The following ASPH variants were observed in gnomAD, a reference collection of about 807,000 sequenced individuals.
ASPH encodes aspartyl/asparaginyl beta-hydroxylase.
Under a neutral mutation model 118.4 loss-of-function variants are expected in ASPH, and 100 were observed. The observed-to-expected ratio is 0.84, with a 90% CI of 0.72 to 1.00. The LOEUF (loss-of-function observed/expected upper bound fraction) is 1.00, where lower values mean the gene tolerates loss of function less well. Ranked by LOEUF, ASPH falls within the 50% of genes least tolerant of loss-of-function variation. The pLI, the probability that ASPH is intolerant of heterozygous loss-of-function variation, is 0.00. For synonymous variants in ASPH, 315 were observed against 325.6 expected, an observed-to-expected ratio of 0.97 and a Z score of 0.35; for missense variants, 920 against 919.5, an observed-to-expected ratio of 1.00 and a Z score of -0.01.
chr8:61,598,075 A>G (rs1842951842), intron 14 of ASPH, among the ~76,000 whole-genome samples: 1 of 152,242 alleles, frequency 6.6e-6, no homozygotes, highest in African/African-American at 2.4e-5. Context: ...TACAACAACA[A>G]CAAAAGGAAA....
chr8:61,521,386 C>A (rs558030639), intron 22 of ASPH, among the ~76,000 whole-genome samples: 1 of 139,750 alleles, frequency 7.2e-6, no homozygotes, highest in East Asian at 2.3e-4. Context: ...CTAGTGCTCA[C>A]TGATCCTAGT....
chr8:61,643,326 G>A, intron 9 of ASPH, 60 bp downstream of exon 9: 2 of 1,508,816 alleles, frequency 1.3e-6, no homozygotes, highest in Non-Finnish European at 1.8e-6. Context: ...TGTAAACACA[G>A]CATGTGATTG....
intron 24 of ASPH, among the ~76,000 whole-genome samples, chr8:61,511,075 T>A (rs1268819571): frequency 6.6e-6 from 1 of 152,194 alleles, no homozygotes; most frequent in Non-Finnish European, 1.5e-5. Context: ...TTATTGTCTA[T>A]GAGGAATTCA....
intron 16 of ASPH, among the ~76,000 whole-genome samples, chr8:61,572,614 CA>C (rs1205287064): frequency 6.6e-6 from 1 of 152,326 alleles, no homozygotes; most frequent in East Asian, 1.9e-4. Flanking sequence ...AATCCATCCT[CA>C]AGTCCTTTCA....
chr8:61,646,792 C>T lies in ASPH; in HGVS notation c.577G>A (p.Asp193Asn). The T allele has an allele frequency of 1.2e-6, 2 of 1,613,962 alleles. No individual in the cohort carries two copies. Among genetic ancestry groups the T allele is most frequent in the Non-Finnish European group, 1.7e-6 (2 of 1,179,862 alleles). Residue 193 changes from aspartate to asparagine, a missense_variant, in exon 6 of 25, where the codon GAT becomes AAT. Physicochemically the swap from Asp to Asn is conservative, Grantham distance 23. Coordinates refer to ENST00000379454, the MANE Select transcript of ASPH (RefSeq NM_004318.4). ...DDEFLMATDVDDRFETLEPEV... is the reference protein window; with the variant it reads ...DDEFLMATDVNDRFETLEPEV... Reference sequence around the variant, plus strand: ...GGTTCCAGGGTCTCAAATCTATCATCTACATCAGTCGCCATAAGAAACTCA... The same window carrying T: ...GGTTCCAGGGTCTCAAATCTATCATTTACATCAGTCGCCATAAGAAACTCA...
chr8:61,653,400 C>T (rs1416980961), intron 4 of ASPH, among the ~76,000 whole-genome samples, 168 bp downstream of exon 4: 1 of 152,150 alleles, frequency 6.6e-6, no homozygotes, highest in Admixed American at 6.5e-5. Context: ...TTATCCTGTT[C>T]CAATTTCTAC....
chr8:61,660,575 A>C (rs1206919449), intron 3 of ASPH: 1 of 152,122 alleles, frequency 6.6e-6, no homozygotes, highest in Non-Finnish European at 1.5e-5. Flanking sequence ...AGACAGATGG[A>C]TGTTGAGAAC....
chr8:61,505,072 A>T (rs1241181633), intron 24 of ASPH, among the ~76,000 whole-genome samples: 4 of 152,140 alleles, frequency 2.6e-5, no homozygotes, highest in Admixed American at 6.5e-5. Flanking sequence ...ATGAGAGATA[A>T]TTTGAATCAT....
At chr8:61,582,807 T>C (rs546367395) in intron 15 of ASPH, among the ~76,000 whole-genome samples, 1 of 152,330 alleles carries the variant, frequency 6.6e-6, no homozygotes, top group African/African-American at 2.4e-5. Context: ...CAATGTCTAC[T>C]GATTAAAAAG....
intron 16 of ASPH, among the ~76,000 whole-genome samples, chr8:61,573,858 T>C (rs1039146582): frequency 2.0e-5 from 3 of 152,052 alleles, no homozygotes; most frequent in Non-Finnish European, 4.4e-5. Context: ...TAGGATCGAA[T>C]TAAACTAAAG....
intron 21 of ASPH, among the ~76,000 whole-genome samples, chr8:61,540,446 G>C (rs1196387031): frequency 6.6e-6 from 1 of 152,104 alleles, no homozygotes; most frequent in Non-Finnish European, 1.5e-5. Context: ...CCATGTAAGC[G>C]TCCTGTGATT....
At chr8:61,511,210 G>A (rs1032141404) in intron 24 of ASPH, among the ~76,000 whole-genome samples, 1 of 152,184 alleles carries the variant, frequency 6.6e-6, no homozygotes, top group South Asian at 2.1e-4. Flanking sequence ...TGAGGTCTAT[G>A]GAGGAAGGCC....
At chr8:61,698,436 C>A (rs1170541121) in intron 1 of ASPH, among the ~76,000 whole-genome samples, 3 of 152,226 alleles carry the variant, frequency 2.0e-5, no homozygotes, top group African/African-American at 7.2e-5. Context: ...TTAGGCTAAA[C>A]TTAAACACAT....
At chr8:61,573,974 A>C (rs1447037548) in intron 16 of ASPH, among the ~76,000 whole-genome samples, 2 of 152,246 alleles carry the variant, frequency 1.3e-5, no homozygotes, top group African/African-American at 4.8e-5. Flanking sequence ...AATATCCAGA[A>C]TCTACAATGA....
At chr8:61,522,951 T>C (rs1813683930) in intron 22 of ASPH, among the ~76,000 whole-genome samples, 1 of 152,110 alleles carries the variant, frequency 6.6e-6, no homozygotes, top group Admixed American at 6.6e-5. Context: ...GGGTTAGGGC[T>C]TCAACATATG....
At chr8:61,666,509 T>C (rs555357421) in intron 3 of ASPH, among the ~76,000 whole-genome samples, 1 of 152,286 alleles carries the variant, frequency 6.6e-6, no homozygotes, top group South Asian at 2.1e-4. Context: ...AATGAAATAT[T>C]TCTTTAATAT....
intron 19 of ASPH, 77 bp from the exon 20 acceptor site, chr8:61,553,197 T>G: frequency 8.7e-7 from 1 of 1,149,142 alleles, no homozygotes; most frequent in Non-Finnish European, 1.3e-6. Flanking sequence ...TAGCTTTTCT[T>G]ATGGCACATC....
intron 14 of ASPH, among the ~76,000 whole-genome samples, chr8:61,601,801 TATC>T (rs1844069798): frequency 1.3e-5 from 2 of 151,348 alleles, no homozygotes; most frequent in South Asian, 4.1e-4. Flanking sequence ...AGTCAGGTGA[TATC>T]ATTACAGATT....
chr8:61,712,819 A>G (rs1265534764), intron 1 of ASPH, among the ~76,000 whole-genome samples: 2 of 152,234 alleles, frequency 1.3e-5, no homozygotes, highest in African/African-American at 4.8e-5. Context: ...CTCTCCTCAT[A>G]AACACAAAAA....
Sources: allele counts gnomAD v4.1 joint callset (sites outside exome capture counted in the v4.1 genomes callset), GRCh38; gene constraint gnomAD v4.1.1; transcripts MANE v1.5; gene names NCBI Gene and HGNC (gene_info 2026-07-23, HGNC 2026-07-21).